Variants in GRID2 observed in about 807,000 individuals in gnomAD.
GRID2 encodes glutamate receptor ionotropic, delta-2.
GRID2 carries 33 observed loss-of-function variants against 114.8 expected under a neutral mutation model. The ratio of observed to expected loss-of-function variants is 0.29; its 90% confidence interval spans 0.22 to 0.38. GRID2 has a LOEUF of 0.38. GRID2 is among the 10% of genes least tolerant of loss of function. GRID2 has a pLI of 1.00. For synonymous variants in GRID2, 505 were observed against 449.9 expected (o/e 1.12, Z -1.55); for missense variants, 1,184 against 1,257.7 (o/e 0.94, Z 0.89).
At position 93,683,819 on chromosome 4, in the gene GRID2, T is replaced by G. The variant is rs188569726; in HGVS notation, c.2360+57384T>G. Among the ~76,000 whole-genome samples the G allele has an allele frequency of 1.8e-4, 27 of 152,174 alleles. No homozygotes were observed. In the East Asian group the frequency reaches 5.0e-3, roughly 28 times the overall value. On this transcript the variant is annotated intron_variant, in intron 14 of 15. Transcript: ENST00000282020. ...TTCAGGAGGTTACAACACATAGGATTGTCCCATATTATTATAAAACCAACA... is the reference window on the plus strand; with the variant it reads ...TTCAGGAGGTTACAACACATAGGATGGTCCCATATTATTATAAAACCAACA...
At chr4:92,739,748 TATAGG>T (rs1736779570) in intron 2 of GRID2, among the ~76,000 whole-genome samples, 1 of 152,096 alleles carries the variant, frequency 6.6e-6, no homozygotes, top group Non-Finnish European at 1.5e-5. Context: ...GAAAAGAAGT[TATAGG>T]AGAAGAGGAA....
At chr4:92,930,503 A>C (rs970954350) in intron 2 of GRID2, among the ~76,000 whole-genome samples, 3 of 151,100 alleles carry the variant, frequency 2.0e-5, no homozygotes, top group African/African-American at 7.3e-5. Context: ...TTTAATAAGC[A>C]AACTGCACTA....
chr4:92,652,862 A>T (rs1732016993), intron 2 of GRID2, among the ~76,000 whole-genome samples: 1 of 139,510 alleles, frequency 7.2e-6, no homozygotes, highest in African/African-American at 2.6e-5. Context: ...TAATATATAA[A>T]TACATATAAA....
intron 2 of GRID2, among the ~76,000 whole-genome samples, chr4:92,911,706 A>G (rs995904399): frequency 6.6e-6 from 1 of 151,878 alleles, no homozygotes; most frequent in Non-Finnish European, 1.5e-5. Flanking sequence ...TTAATACAGA[A>G]CTGCATCTCT....
At chr4:93,321,032 G>A (rs1757153579) in intron 8 of GRID2, among the ~76,000 whole-genome samples, 1 of 152,032 alleles carries the variant, frequency 6.6e-6, no homozygotes. Flanking sequence ...ACCCTTCATA[G>A]TTGCCCCAAA....
At chr4:93,509,754 C>T (rs1455390977) in intron 12 of GRID2, among the ~76,000 whole-genome samples, 2 of 152,176 alleles carry the variant, frequency 1.3e-5, no homozygotes, top group South Asian at 2.1e-4. Flanking sequence ...CACCCCAGTC[C>T]ATTTTGTAAC....
intron 4 of GRID2, among the ~76,000 whole-genome samples, chr4:93,116,814 T>C (rs1025743382): frequency 5.9e-5 from 9 of 152,014 alleles, no homozygotes; most frequent in East Asian, 1.9e-4. Context: ...GCAAGAGTTA[T>C]AGTGCTGTTG....
At chr4:92,442,837 T>C (rs1466372889) in intron 1 of GRID2, among the ~76,000 whole-genome samples, 3 of 152,182 alleles carry the variant, frequency 2.0e-5, no homozygotes, top group Admixed American at 6.5e-5. Flanking sequence ...ACCTTGACTA[T>C]GCCTTTAGCT....
At chr4:93,034,934 T>A (rs2149261738) in intron 2 of GRID2, among the ~76,000 whole-genome samples, 3 of 152,310 alleles carry the variant, frequency 2.0e-5, no homozygotes, top group Middle Eastern at 6.8e-3. Flanking sequence ...ATTCTTTCAG[T>A]CGTTTTAAGA....
intron 14 of GRID2, among the ~76,000 whole-genome samples, chr4:93,755,386 T>C (rs929786382): frequency 6.6e-6 from 1 of 152,216 alleles, no homozygotes; most frequent in African/African-American, 2.4e-5. Flanking sequence ...TCAATTATCC[T>C]TTCTGCACGG....
intron 2 of GRID2, among the ~76,000 whole-genome samples, chr4:92,859,145 A>G (rs1460729939): frequency 3.9e-5 from 6 of 152,118 alleles, no homozygotes; most frequent in Non-Finnish European, 8.8e-5. Flanking sequence ...ATTTTAAAAA[A>G]TTGCCTCAGC....
intron 1 of GRID2, among the ~76,000 whole-genome samples, chr4:92,562,352 T>C (rs1317076549): frequency 1.3e-5 from 2 of 152,174 alleles, no homozygotes; most frequent in Non-Finnish European, 2.9e-5. Context: ...ATTGTAATAA[T>C]CTAATAATTT....
In GRID2 at chr4:92,619,692, C is replaced by T. The variant is rs562271841; in HGVS notation, c.244+29406C>T. 5.9e-5 allele frequency among the ~76,000 whole-genome samples: 9 copies of T among 151,810 alleles called. No individual in the cohort carries two copies. In the South Asian group the frequency reaches 1.9e-3, roughly 31 times the overall value. ...AATTCAGTGTCATGCTAAAATGACA[C>T]AGACACACTCTTCTTATGTGATGTT... On this transcript the variant is annotated intron_variant, in intron 2 of 15. Transcript: ENST00000282020.
chr4:93,693,233 A>G (rs1490082425), intron 14 of GRID2, among the ~76,000 whole-genome samples: 1 of 152,214 alleles, frequency 6.6e-6, no homozygotes, highest in Non-Finnish European at 1.5e-5. Context: ...GGTAATACTC[A>G]TAAGGTCAAG....
chr4:92,603,168 G>A (rs534979680), intron 2 of GRID2, among the ~76,000 whole-genome samples: 10 of 152,068 alleles, frequency 6.6e-5, no homozygotes, highest in East Asian at 1.9e-4. Context: ...TTAAACTACC[G>A]ATGACATTCT....
chr4:92,788,754 T>C (rs897010258), intron 2 of GRID2, among the ~76,000 whole-genome samples: 3 of 152,012 alleles, frequency 2.0e-5, no homozygotes, highest in Non-Finnish European at 4.4e-5. Context: ...ATTTTAAATA[T>C]GTATATCTAT....
chr4:92,676,752 T>A (rs1240473460), intron 2 of GRID2, among the ~76,000 whole-genome samples: 1 of 152,134 alleles, frequency 6.6e-6, no homozygotes, highest in Non-Finnish European at 1.5e-5. Flanking sequence ...ACCATGTGAT[T>A]CAGCAATTTC....
intron 14 of GRID2, among the ~76,000 whole-genome samples, chr4:93,721,901 A>G (rs1254354269): frequency 1.3e-5 from 2 of 150,048 alleles, no homozygotes; most frequent in Non-Finnish European, 2.9e-5. Context: ...GAAAAAGAGG[A>G]GAAAATAATT....
chr4:92,496,981 GTTAAAATCACAT>G (rs1723417889), intron 1 of GRID2, among the ~76,000 whole-genome samples: 1 of 151,598 alleles, frequency 6.6e-6, no homozygotes, highest in South Asian at 2.1e-4. Flanking sequence ...GAAACAAATA[GTTAAAATCACAT>G]TTATCCCCTA....
Sources: gnomAD v4.1 joint callset for allele counts (sites outside exome capture counted in the v4.1 genomes callset) on GRCh38, gnomAD v4.1.1 for gene constraint, MANE v1.5 for transcripts, NCBI Gene and HGNC (gene_info 2026-07-23, HGNC 2026-07-21) for gene names.